Variants in PGM2 observed in about 807,000 individuals in gnomAD.
The protein encoded by PGM2 is phosphoglucomutase 2, also known as phosphopentomutase.
In PGM2, 57 loss-of-function variants were observed where a neutral mutation model predicts 74.6. That is an observed-to-expected ratio of 0.76 (90% CI 0.62 to 0.95). The LOEUF (loss-of-function observed/expected upper bound fraction) is 0.95. PGM2 is among the 40% of genes least tolerant of loss of function. The pLI, the probability that PGM2 is intolerant of heterozygous loss-of-function variation, is 0.00. For missense variants in PGM2, 706 were observed against 741.9 expected, an observed-to-expected ratio of 0.95 and a Z score of 0.56; for synonymous variants, 273 against 260.7, an observed-to-expected ratio of 1.05 and a Z score of -0.46.
At chr4:37,832,714 A>G (rs1160656966) in intron 2 of PGM2, among the ~76,000 whole-genome samples, 2 of 152,202 alleles carry the variant, frequency 1.3e-5, no homozygotes, top group Non-Finnish European at 2.9e-5. Flanking sequence ...GAAAGAGGCC[A>G]TTCTATCTTT....
rs35469320 is a variant in PGM2, at chr4:37,844,975, C to CAA, written c.909+441_909+442dup. Among the ~76,000 whole-genome samples, 27 of 94,268 alleles carry CAA rather than the reference C, an allele frequency of 2.9e-4. 1 individual carries two copies. The highest frequency in any genetic ancestry group is 6.0e-3 in the Middle Eastern group (1 of 168). The allele number at this position is 94,268 out of a possible 152,430, so 61.8% of individuals were successfully genotyped here. On this transcript the variant is annotated intron_variant, in intron 7 of 13. Transcript: ENST00000381967. ...AGGGTGACAGAGCGAGACTTTGTCT[C>CAA]AAAAAAAAAAAAAAAAAAAACAAGA...
rs928528565 is a variant in PGM2, at chr4:37,862,771, A to G, written c.*1159A>G. On this transcript the variant is annotated 3_prime_UTR_variant, in exon 14 of 14. Transcript: ENST00000381967. ...AATACTATGTGATAGTATTGTAACT[A>G]TTTTTCTATTTTAGTCATATGTCGC... The G allele has an allele frequency of 6.6e-6, 1 of 151,990 alleles. No individual in the cohort carries two copies. Among genetic ancestry groups the G allele is most frequent in the African/African-American group, 2.4e-5 (1 of 41,398 alleles). The allele number at this position is 151,990 out of a possible 1,614,324, so 9.4% of individuals were successfully genotyped here. A position where few individuals can be genotyped will look rare whatever the true frequency, so the allele number is the denominator to read the frequency against.
At chr4:37,840,839 T>C (rs997072475) in intron 6 of PGM2, among the ~76,000 whole-genome samples, 60 of 152,216 alleles carry the variant, frequency 3.9e-4, no homozygotes, top group African/African-American at 1.3e-3. Flanking sequence ...AGATGAAATG[T>C]CGGCGAAGGA....
chr4:37,849,372 T>C (rs1725971942), intron 11 of PGM2, among the ~76,000 whole-genome samples: 1 of 150,988 alleles, frequency 6.6e-6, no homozygotes, highest in Non-Finnish European at 1.5e-5. Context: ...CAGGCAGTCA[T>C]TTGGTGATCC....
chr4:37,844,271 A>G (rs1725804797), intron 6 of PGM2, 93 bp from the exon 7 acceptor site: 5 of 708,102 alleles, frequency 7.1e-6, no homozygotes, highest in Non-Finnish European at 1.2e-5. Context: ...AATTAGAAAG[A>G]TGTTCAGTTG....
At chr4:37,841,371 G>A (rs1259067772) in intron 6 of PGM2, among the ~76,000 whole-genome samples, 1 of 151,970 alleles carries the variant, frequency 6.6e-6, no homozygotes. Context: ...GTGTCTGCTT[G>A]AGTATGCTGT....
intron 1 of PGM2, among the ~76,000 whole-genome samples, chr4:37,827,631 A>G (rs1030815654): frequency 1.3e-5 from 2 of 152,108 alleles, no homozygotes; most frequent in African/African-American, 4.8e-5. Flanking sequence ...GAAGCGTTAA[A>G]TTATTTATCC....
At chr4:37,854,160 G>A (rs1177505287) in intron 12 of PGM2, among the ~76,000 whole-genome samples, 6 of 152,124 alleles carry the variant, frequency 3.9e-5, no homozygotes, top group African/African-American at 1.4e-4. Flanking sequence ...TCGGTTGGCA[G>A]CCCCATCAGC....
intron 13 of PGM2, among the ~76,000 whole-genome samples, chr4:37,861,151 G>C (rs940965850): frequency 6.6e-6 from 1 of 152,024 alleles, no homozygotes; most frequent in Admixed American, 6.6e-5. Context: ...GGATTTAATG[G>C]CAACTGACAT....
intron 13 of PGM2, among the ~76,000 whole-genome samples, chr4:37,860,528 A>G (rs1711737902): frequency 1.3e-5 from 2 of 152,256 alleles, no homozygotes; most frequent in Non-Finnish European, 2.9e-5. Flanking sequence ...GTATAGAGCC[A>G]GAATTAATGT....
rs1414489602 is a variant in PGM2 at position 37,837,512 on chromosome 4, T to C, written c.357-17T>C. ...CACTCAACTCTCCTTTTCTTCCCTG[T>C]CACTCTGCATTCTCAGGTTTGCCCG... On this transcript the variant is annotated splice_polypyrimidine_tract_variant and intron_variant, in intron 3 of 13. Transcript: ENST00000381967. The C allele has an allele frequency of 6.6e-7, 1 of 1,520,312 alleles. No homozygotes were observed. Among genetic ancestry groups the C allele is most frequent in the African/African-American group, 1.4e-5 (1 of 73,286 alleles). 94.2% of individuals were successfully genotyped at this position (1,520,312 alleles called of 1,614,324 possible).
chr4:37,847,503 A>G, intron 10 of PGM2: 2 of 514,214 alleles, frequency 3.9e-6, no homozygotes, highest in Non-Finnish European at 7.0e-6. Context: ...CATTCATGTC[A>G]GAATCCTTTG....
At chr4:37,856,024 G>A (rs902018909) in intron 13 of PGM2, among the ~76,000 whole-genome samples, 2 of 151,974 alleles carry the variant, frequency 1.3e-5, no homozygotes, top group Non-Finnish European at 2.9e-5. Context: ...ACTTTTCATT[G>A]GTAGCTAACA....
At chr4:37,853,023 A>G (rs1339980881) in intron 12 of PGM2, among the ~76,000 whole-genome samples, 1 of 152,178 alleles carries the variant, frequency 6.6e-6, no homozygotes, top group Non-Finnish European at 1.5e-5. Flanking sequence ...CTGGCTTTCC[A>G]AGACTGATGT....
chr4:37,848,639 CCATTTA>C lies in PGM2; in HGVS notation c.1401_1406del (p.Ile468_Tyr469del), dbSNP rs1178437742. On this transcript the variant is annotated inframe_deletion, in exon 11 of 14. Transcript: ENST00000381967. ...TTGTCTTTGTCTCAGCAACTAAAGG[CCATTTA>C]TGTGGAGTAAGTTGTTATTGACTCT... 6.2e-7 allele frequency: 1 copy of C among 1,612,904 alleles called. No homozygotes were observed. Among genetic ancestry groups the C allele is most frequent in the Non-Finnish European group, 8.5e-7 (1 of 1,179,080 alleles).
intron 13 of PGM2, among the ~76,000 whole-genome samples, chr4:37,858,703 T>C (rs1307286321): frequency 6.6e-6 from 1 of 152,128 alleles, no homozygotes; most frequent in Non-Finnish European, 1.5e-5. Context: ...TTAAATATTA[T>C]TAATATGCTT....
At chr4:37,849,279 C>T (rs979422864) in intron 11 of PGM2, among the ~76,000 whole-genome samples, 1 of 152,010 alleles carries the variant, frequency 6.6e-6, no homozygotes, top group African/African-American at 2.4e-5. Context: ...TCAACTCTGC[C>T]TTGCCAGTGT....
At chr4:37,857,642 A>T (rs1711575674) in intron 13 of PGM2, among the ~76,000 whole-genome samples, 1 of 152,174 alleles carries the variant, frequency 6.6e-6, no homozygotes, top group South Asian at 2.1e-4. Context: ...TGGCTCTCAA[A>T]TGTCAAGATG....
At chr4:37,837,319 T>C (rs1304221982) in intron 3 of PGM2, among the ~76,000 whole-genome samples, 1 of 152,226 alleles carries the variant, frequency 6.6e-6, no homozygotes, top group Non-Finnish European at 1.5e-5. Flanking sequence ...TAGTGCCATT[T>C]CTATAAAACA....
Sources: gnomAD v4.1 joint callset for allele counts (sites outside exome capture counted in the v4.1 genomes callset) on GRCh38, gnomAD v4.1.1 for gene constraint, MANE v1.5 for transcripts, NCBI Gene and HGNC (gene_info 2026-07-23, HGNC 2026-07-21) for gene names.